Variants in FOXP2 observed in about 807,000 individuals in gnomAD.
FOXP2 encodes the protein forkhead box P2.
In FOXP2, 12 loss-of-function variants were observed where a neutral mutation model predicts 115.8. The ratio of observed to expected loss-of-function variants is 0.10; its 90% CI spans 0.07 to 0.17. The LOEUF (loss-of-function observed/expected upper bound fraction) is 0.17. Ranked by LOEUF, FOXP2 falls within the 10% of genes least tolerant of loss-of-function variation. FOXP2 has a pLI of 1.00. For synonymous variants in FOXP2, 328 were observed against 297.7 expected, an observed-to-expected ratio of 1.10 and a Z score of -1.05; for missense variants, 629 against 843.5, an observed-to-expected ratio of 0.75 and a Z score of 3.15.
intron 2 of FOXP2, among the ~76,000 whole-genome samples, chr7:114,505,767 G>A (rs1797785538): frequency 6.6e-6 from 1 of 151,462 alleles, no homozygotes; most frequent in Non-Finnish European, 1.5e-5. Flanking sequence ...GGAGTCTACA[G>A]TTACACCTCT....
intron 2 of FOXP2, among the ~76,000 whole-genome samples, chr7:114,329,865 A>C (rs1454572590): frequency 1.3e-5 from 2 of 151,604 alleles, no homozygotes; most frequent in African/African-American, 2.4e-5. Context: ...TTAGTAGAGA[A>C]GGGGTTTCAC....
chr7:114,527,953 ACT>A (rs1380508586), intron 2 of FOXP2, among the ~76,000 whole-genome samples: 4 of 151,400 alleles, frequency 2.6e-5, no homozygotes, highest in Admixed American at 1.3e-4. Flanking sequence ...GTCTTGTCTC[ACT>A]CTCTTCATCC....
rs116872707 is a variant in FOXP2, at chr7:114,353,759, C to T, written c.-11+65650C>T. Among the ~76,000 whole-genome samples, 993 of 152,208 alleles carry T rather than the reference C, an allele frequency of 6.5e-3. 4 individuals carry two copies. Among genetic ancestry groups the T allele is most frequent in the Non-Finnish European group, 0.01 (680 of 67,996 alleles). ...CTGTCATCTACTGATCTGTAGGCCA[C>T]TTTGTATGTTCAATTACGATACTGG... On this transcript the variant is annotated intron_variant, in intron 2 of 17. Coordinates refer to the FOXP2 transcript ENST00000634411.
chr7:114,250,647 G>C (rs1229545254), intron 1 of FOXP2, among the ~76,000 whole-genome samples: 1 of 152,120 alleles, frequency 6.6e-6, no homozygotes, highest in Non-Finnish European at 1.5e-5. Context: ...CGATGGGATT[G>C]TTTTTGTTTT....
At chr7:114,560,766 C>T (rs770908720) in intron 3 of FOXP2, among the ~76,000 whole-genome samples, 1 of 152,132 alleles carries the variant, frequency 6.6e-6, no homozygotes, top group African/African-American at 2.4e-5. Context: ...ACCCAAAATT[C>T]GTCCAAAAAG....
intron 9 of FOXP2, among the ~76,000 whole-genome samples, chr7:114,652,875 TA>T (rs747321894): frequency 2.6e-5 from 4 of 152,050 alleles, no homozygotes; most frequent in Middle Eastern, 3.4e-3. Context: ...TGTTTTAAGT[TA>T]AAAAAAATTC....
intron 1 of FOXP2, among the ~76,000 whole-genome samples, chr7:114,420,655 C>T (rs1468458942): frequency 6.6e-6 from 1 of 151,748 alleles, no homozygotes; most frequent in African/African-American, 2.4e-5. Flanking sequence ...AAAAATATTA[C>T]ATTTTGGCAT....
At chr7:114,209,706 G>A (rs757427538) in intron 1 of FOXP2, among the ~76,000 whole-genome samples, 2 of 152,118 alleles carry the variant, frequency 1.3e-5, no homozygotes, top group African/African-American at 4.8e-5. Flanking sequence ...TTGTTAGGTT[G>A]GGGAAGTTCT....
chr7:114,411,419 A>G (rs1029327780), upstream of FOXP2, among the ~76,000 whole-genome samples: 17 of 152,136 alleles, frequency 1.1e-4, no homozygotes, highest in African/African-American at 4.1e-4. Context: ...GTTTATATTC[A>G]TTTTTATGTG....
intron 2 of FOXP2, among the ~76,000 whole-genome samples, chr7:114,381,543 A>G (rs1159531990): frequency 6.6e-6 from 1 of 152,198 alleles, no homozygotes; most frequent in Non-Finnish European, 1.5e-5. Flanking sequence ...TTAAAGGCAA[A>G]CAAGAATTGA....
chr7:114,470,308 C>T (rs1179735645), intron 2 of FOXP2, among the ~76,000 whole-genome samples: 1 of 152,144 alleles, frequency 6.6e-6, no homozygotes, highest in East Asian at 1.9e-4. Context: ...CTCCCAAATG[C>T]TCACAAACAC....
At chr7:114,493,645 C>A (rs951077041) in intron 2 of FOXP2, among the ~76,000 whole-genome samples, 1 of 151,964 alleles carries the variant, frequency 6.6e-6, no homozygotes, top group Non-Finnish European at 1.5e-5. Context: ...CTCACACGCA[C>A]CCACACACAC....
chr7:114,604,323 A>T (rs1803191803), intron 3 of FOXP2, among the ~76,000 whole-genome samples: 1 of 152,216 alleles, frequency 6.6e-6, no homozygotes, highest in African/African-American at 2.4e-5. Context: ...CACGTGTTAT[A>T]TCATCACATT....
chr7:114,630,535 C>G (rs1311564158), intron 5 of FOXP2: 1 of 170,910 alleles, frequency 5.9e-6, no homozygotes, highest in African/African-American at 2.4e-5. Context: ...TCAGGCCTAG[C>G]TTGCACTTGT....
intron 2 of FOXP2, among the ~76,000 whole-genome samples, chr7:114,531,819 T>TG (rs1484127398): frequency 6.6e-6 from 1 of 151,996 alleles, no homozygotes; most frequent in Non-Finnish European, 1.5e-5. Flanking sequence ...TTACTAACAG[T>TG]GTAGGTGTAT....
chr7:114,268,762 G>A (rs924078308), intron 1 of FOXP2, among the ~76,000 whole-genome samples: 1 of 151,542 alleles, frequency 6.6e-6, no homozygotes, highest in Admixed American at 6.6e-5. Context: ...TCGTTTCTGG[G>A]TTTCCTCTGC....
In FOXP2 at chr7:114,495,483, C is replaced by CTTT. The variant is rs35933398; in HGVS notation, c.169-39106_169-39104dup. On this transcript the variant is annotated intron_variant, in intron 2 of 16. Transcript: ENST00000350908. ...TTCTTTGTTTTTTCTTTCTCTCTCT[C>CTTT]TTTTTTTTTTTTTTTTTTTTTTTTT... 4.9e-3 allele frequency among the ~76,000 whole-genome samples: 302 copies of CTTT among 61,498 alleles called. 17 individuals are homozygous for CTTT. Among genetic ancestry groups the CTTT allele is most frequent in the Middle Eastern group, 0.013 (1 of 80 alleles). The allele number at this position is 61,498 out of a possible 152,430, so 40.3% of individuals were successfully genotyped here. A position where few individuals can be genotyped will look rare whatever the true frequency, so the allele number is the denominator to read the frequency against.
intron 3 of FOXP2, among the ~76,000 whole-genome samples, chr7:114,579,616 G>A (rs73431518): frequency 0.022 from 3,338 of 151,864 alleles, 112 homozygotes; most frequent in African/African-American, 0.073. Flanking sequence ...AACTTCCACC[G>A]GTTATGCAAG....
chr7:114,459,802 G>A (rs1310247551), intron 2 of FOXP2, among the ~76,000 whole-genome samples: 2 of 152,130 alleles, frequency 1.3e-5, no homozygotes, highest in Non-Finnish European at 2.9e-5. Context: ...TATTAGGAGA[G>A]ACAGGGATTC....
Sources: gnomAD v4.1 joint callset for allele counts (sites outside exome capture counted in the v4.1 genomes callset) on GRCh38, gnomAD v4.1.1 for gene constraint, MANE v1.5 for transcripts, NCBI Gene and HGNC (gene_info 2026-07-23, HGNC 2026-07-21) for gene names.